PTPRO: variants seen among roughly 807,000 people sequenced by gnomAD.
PTPRO encodes the protein protein tyrosine phosphatase receptor type O.
Under a neutral mutation model 145.2 loss-of-function variants are expected in PTPRO, and 62 were observed. The observed-to-expected ratio is 0.43, with a 90% CI of 0.35 to 0.53. The LOEUF (loss-of-function observed/expected upper bound fraction) is 0.53, where lower values mean the gene tolerates loss of function less well. PTPRO is among the 20% of genes least tolerant of loss of function. The probability of loss-of-function intolerance (pLI) is 0.01; values close to 1 mark genes in which losing one functional copy is unlikely to be tolerated. For synonymous variants in PTPRO, 565 were observed against 514.7 expected, an observed-to-expected ratio of 1.10 and a Z score of -1.32; for missense variants, 1,345 against 1,482.7, an observed-to-expected ratio of 0.91 and a Z score of 1.53.
At chr12:15,425,492 A>T (rs984975901) in intron 1 of PTPRO, among the ~76,000 whole-genome samples, 10 of 152,238 alleles carry the variant, frequency 6.6e-5, no homozygotes, top group African/African-American at 2.2e-4. Context: ...CTGTTCCTTT[A>T]TGATACCTGT....
At chr12:15,437,582 C>A (rs759009967) in intron 1 of PTPRO, among the ~76,000 whole-genome samples, 13 of 152,298 alleles carry the variant, frequency 8.5e-5, no homozygotes, top group Non-Finnish European at 1.6e-4. Flanking sequence ...AGGCAAATCT[C>A]CAGGCATTTA....
intron 18 of PTPRO, among the ~76,000 whole-genome samples, chr12:15,568,518 G>C (rs1450173725): frequency 6.6e-6 from 1 of 152,070 alleles, no homozygotes; most frequent in Non-Finnish European, 1.5e-5. Flanking sequence ...CCAAGGGAAG[G>C]GTCAACTATA....
chr12:15,472,267 T>A (rs186063171), intron 1 of PTPRO, among the ~76,000 whole-genome samples: 5 of 152,310 alleles, frequency 3.3e-5, no homozygotes. Context: ...TGCAACACCC[T>A]CCTTACTGCC....
intron 7 of PTPRO, among the ~76,000 whole-genome samples, chr12:15,509,876 C>A (rs930989467): frequency 6.6e-6 from 1 of 151,950 alleles, no homozygotes; most frequent in African/African-American, 2.4e-5. Flanking sequence ...CCAGAACAAA[C>A]CCTAGTGAAA....
In PTPRO at chr12:15,542,046, G is replaced by T. The variant is rs118147018; in HGVS notation, c.2165-4523G>T. ...ATAGTCACATTCTGAGGTACTAAGG[G>T]TTAGGGTTTCAGCATATGAATTTAG... On this transcript the variant is annotated intron_variant, in intron 12 of 26. Coordinates refer to ENST00000281171, the MANE Select transcript of PTPRO (RefSeq NM_030667.3). Among the ~76,000 whole-genome samples the T allele has an allele frequency of 1.9e-3, 291 of 152,230 alleles. 14 individuals are homozygous for T. In the East Asian group the frequency reaches 0.047, roughly 24 times the overall value.
At chr12:15,565,736 CA>C (rs1221246311) in intron 18 of PTPRO, 108 bp downstream of exon 18, 2 of 821,088 alleles carry the variant, frequency 2.4e-6, no homozygotes, top group East Asian at 5.2e-5. Flanking sequence ...AAGAAAGAGG[CA>C]AATGCATATT....
chr12:15,381,138 A>T (rs1938849413), intron 1 of PTPRO, among the ~76,000 whole-genome samples: 1 of 152,198 alleles, frequency 6.6e-6, no homozygotes, highest in African/African-American at 2.4e-5. Context: ...TTCTACAATT[A>T]ATTAATCGTG....
At chr12:15,496,932 G>T (rs1368486692) in intron 2 of PTPRO, among the ~76,000 whole-genome samples, 2 of 152,160 alleles carry the variant, frequency 1.3e-5, no homozygotes, top group Non-Finnish European at 2.9e-5. Flanking sequence ...AAGTAATTTA[G>T]TCTGTGAGTC....
Position 15,549,186 on chromosome 12 carries a change from C to G in PTPRO, c.2397C>G (p.Asp799Glu). The G allele has an allele frequency of 6.8e-6, 11 of 1,610,710 alleles. No individual in the cohort carries two copies. The highest frequency in any genetic ancestry group is 9.3e-6 in the Non-Finnish European group (11 of 1,179,420). Residue 799 changes from aspartate to glutamate, a missense_variant, in exon 14 of 27, where the codon GAC (aspartate) becomes GAG (glutamate). Transcript: ENST00000281171. ...GTAGTGTCACCAGCTTTAGCCATGA[C>G]AGCCCCAGTGTCCCTACGTTCATAG... ...YNCSVTSFSH[D>E]SPSVPTFIAV...
chr12:15,372,176 T>A (rs1045745897), intron 1 of PTPRO, among the ~76,000 whole-genome samples: 5 of 152,190 alleles, frequency 3.3e-5, no homozygotes. Flanking sequence ...GGCATATTAG[T>A]GATTGTATAT....
At chr12:15,512,384 G>C (rs1373608031) in intron 7 of PTPRO, among the ~76,000 whole-genome samples, 1 of 152,100 alleles carries the variant, frequency 6.6e-6, no homozygotes, top group African/African-American at 2.4e-5. Flanking sequence ...CAAAGTGCTG[G>C]GATTACAGGC....
intron 17 of PTPRO, among the ~76,000 whole-genome samples, chr12:15,562,419 C>A (rs138257987): frequency 6.6e-6 from 1 of 152,168 alleles, no homozygotes; most frequent in Non-Finnish European, 1.5e-5. Context: ...TCTCCCCAGA[C>A]GCACACTGCC....
At chr12:15,483,768 T>C (rs1264671211) in intron 1 of PTPRO, among the ~76,000 whole-genome samples, 1 of 152,000 alleles carries the variant, frequency 6.6e-6, no homozygotes, top group Non-Finnish European at 1.5e-5. Flanking sequence ...CTGAGAAGAT[T>C]ATTAATCCTA....
chr12:15,332,518 C>A (rs535782667), intron 1 of PTPRO, among the ~76,000 whole-genome samples: 17 of 152,180 alleles, frequency 1.1e-4, no homozygotes, highest in African/African-American at 2.9e-4. Context: ...AGTTTTGAAT[C>A]AAAAAATGAA....
At chr12:15,359,103 G>A (rs1938090966) in intron 1 of PTPRO, among the ~76,000 whole-genome samples, 1 of 152,210 alleles carries the variant, frequency 6.6e-6, no homozygotes, top group African/African-American at 2.4e-5. Context: ...AAGCAAGTTT[G>A]ATATAAGTGA....
chr12:15,584,631 G>A (rs1199889409), intron 23 of PTPRO, among the ~76,000 whole-genome samples: 2 of 152,196 alleles, frequency 1.3e-5, no homozygotes, highest in Non-Finnish European at 2.9e-5. Flanking sequence ...TGGTACCAGA[G>A]TGCCCCCTTT....
At chr12:15,393,922 G>A (rs2136290190) in intron 1 of PTPRO, among the ~76,000 whole-genome samples, 1 of 152,288 alleles carries the variant, frequency 6.6e-6, no homozygotes, top group South Asian at 2.1e-4. Flanking sequence ...AGAGCCCAGA[G>A]GCTATGCAGG....
chr12:15,381,354 A>G (rs1373834393), intron 1 of PTPRO, among the ~76,000 whole-genome samples: 1 of 152,156 alleles, frequency 6.6e-6, no homozygotes, highest in Non-Finnish European at 1.5e-5. Context: ...TCAATGTCCT[A>G]CTCAGAGCAA....
chr12:15,349,481 C>T (rs1214864575), intron 1 of PTPRO, among the ~76,000 whole-genome samples: 4 of 152,174 alleles, frequency 2.6e-5, no homozygotes, highest in African/African-American at 9.7e-5. Flanking sequence ...CTACCATAGG[C>T]TGAGTAAGAA....
Sources: allele counts gnomAD v4.1 joint callset (sites outside exome capture counted in the v4.1 genomes callset), GRCh38; gene constraint gnomAD v4.1.1; transcripts MANE v1.5; gene names NCBI Gene and HGNC (gene_info 2026-07-23, HGNC 2026-07-21).